The following SGCZ variants were observed in gnomAD, a reference collection of about 807,000 sequenced individuals.
The protein encoded by SGCZ is sarcoglycan zeta.
A neutral mutation model predicts 41.3 loss-of-function variants in SGCZ; 40 were observed. The observed-to-expected ratio is 0.97, with a 90% confidence interval of 0.75 to 1.26. The LOEUF is 1.26. Ranked by LOEUF, SGCZ falls within the 50% of genes most tolerant of loss-of-function variation. The probability of loss-of-function intolerance (pLI) is 0.00; values close to 1 mark genes in which losing one functional copy is unlikely to be tolerated. For missense variants in SGCZ, 552 were observed against 369.8 expected (o/e 1.49, Z -4.04); for synonymous variants, 206 against 137.5 (o/e 1.50, Z -3.49).
At chr8:14,558,424 A>T (rs1804098575) in intron 1 of SGCZ, among the ~76,000 whole-genome samples, 2 of 151,962 alleles carry the variant, frequency 1.3e-5, no homozygotes, top group African/African-American at 4.8e-5. Context: ...AAAATATAAA[A>T]ATTAGCTGGG....
At position 14,686,072 on chromosome 8, in the gene SGCZ, A is replaced by G. The variant is rs560022807; in HGVS notation, c.40-131146T>C. Among the ~76,000 whole-genome samples, 9 of 152,242 alleles carry G rather than the reference A, an allele frequency of 5.9e-5. No individual in the cohort carries two copies. In the East Asian group the frequency reaches 1.7e-3, roughly 29 times the overall value. ...AACAAACTATATGTTTCGTCTCGGG[A>G]AGACTTTGCTCTCAAGACTTAACTC... On this transcript the variant is annotated intron_variant, in intron 1 of 7. Transcript: ENST00000382080.
intron 3 of SGCZ, among the ~76,000 whole-genome samples, chr8:14,246,906 T>C (rs1463272388): frequency 2.1e-5 from 1 of 48,722 alleles, no homozygotes; most frequent in African/African-American, 6.4e-5. Flanking sequence ...TGAGACTCCA[T>C]CTCAAAAAAA....
At chr8:14,099,892 T>A (rs982529873) in intron 7 of SGCZ, among the ~76,000 whole-genome samples, 2 of 152,156 alleles carry the variant, frequency 1.3e-5, no homozygotes, top group Non-Finnish European at 2.9e-5. Context: ...CTGAAATGAC[T>A]ATGAATTTTC....
chr8:14,160,277 C>T (rs931007261), intron 5 of SGCZ, among the ~76,000 whole-genome samples: 3 of 152,066 alleles, frequency 2.0e-5, no homozygotes, highest in East Asian at 3.9e-4. Context: ...GTGGCTTATT[C>T]GTGAAATTTG....
chr8:14,598,915 G>C (rs1034670321), intron 1 of SGCZ, among the ~76,000 whole-genome samples: 1 of 152,058 alleles, frequency 6.6e-6, no homozygotes, highest in African/African-American at 2.4e-5. Context: ...CCATGATTTA[G>C]ATTTTAGTAT....
chr8:14,104,117 T>C (rs1037646216), intron 6 of SGCZ, among the ~76,000 whole-genome samples: 1 of 152,150 alleles, frequency 6.6e-6, no homozygotes, highest in South Asian at 2.1e-4. Context: ...TTATAAAATA[T>C]CGTCTAAAAA....
chr8:14,122,199 C>T (rs899297142), intron 5 of SGCZ, among the ~76,000 whole-genome samples: 1 of 152,182 alleles, frequency 6.6e-6, no homozygotes, highest in African/African-American at 2.4e-5. Context: ...ATGGCGTGAA[C>T]CCGGGAGGTG....
intron 1 of SGCZ, among the ~76,000 whole-genome samples, chr8:15,001,968 G>T (rs1298837776): frequency 6.6e-6 from 1 of 152,034 alleles, no homozygotes; most frequent in Non-Finnish European, 1.5e-5. Flanking sequence ...AATAAAGAGC[G>T]AAGAAGATTT....
intron 1 of SGCZ, among the ~76,000 whole-genome samples, chr8:15,135,528 T>C (rs1049543405): frequency 1.3e-5 from 2 of 152,234 alleles, no homozygotes; most frequent in African/African-American, 4.8e-5. Context: ...GTTTTCTACA[T>C]ATTTACCAAC....
At chr8:14,192,622 T>C (rs956400444) in intron 4 of SGCZ, among the ~76,000 whole-genome samples, 4 of 151,752 alleles carry the variant, frequency 2.6e-5, no homozygotes, top group African/African-American at 9.7e-5. Context: ...TACATTACTT[T>C]TCTTCTCAGC....
At chr8:14,806,850 G>T (rs900272238) in intron 1 of SGCZ, among the ~76,000 whole-genome samples, 7 of 151,464 alleles carry the variant, frequency 4.6e-5, no homozygotes, top group African/African-American at 1.5e-4. Flanking sequence ...CTGGCAAAAC[G>T]AATCCAGCAG....
Position 14,087,432 on chromosome 8 carries a change from A to C in SGCZ, c.*3011T>G, listed in dbSNP as rs1263521172. On this transcript the variant is annotated 3_prime_UTR_variant, in exon 8 of 8. Coordinates refer to ENST00000382080, the MANE Select transcript of SGCZ (RefSeq NM_139167.4). ...ACATCTCGGTTTATCCATTCCTGGCAAATAACTTAAATGCTAGCAAAACTA... is the reference window on the plus strand; with the variant it reads ...ACATCTCGGTTTATCCATTCCTGGCCAATAACTTAAATGCTAGCAAAACTA... Among the ~76,000 whole-genome samples the C allele has an allele frequency of 6.6e-6, 1 of 151,636 alleles. No individual in the cohort carries two copies. The highest frequency in any genetic ancestry group is 1.5e-5 in the Non-Finnish European group (1 of 67,714).
chr8:15,000,264 T>C (rs1389435651), intron 1 of SGCZ, among the ~76,000 whole-genome samples: 1 of 152,180 alleles, frequency 6.6e-6, no homozygotes, highest in Non-Finnish European at 1.5e-5. Context: ...AAAATATTTC[T>C]GTTGTTTAAG....
intron 1 of SGCZ, among the ~76,000 whole-genome samples, chr8:15,132,718 C>G (rs1266008707): frequency 6.6e-6 from 1 of 152,122 alleles, no homozygotes; most frequent in East Asian, 1.9e-4. Context: ...TTTTTGGTAG[C>G]TTGAGATTAG....
intron 4 of SGCZ, among the ~76,000 whole-genome samples, chr8:14,211,747 G>T (rs1436054189): frequency 6.6e-6 from 1 of 152,040 alleles, no homozygotes; most frequent in Non-Finnish European, 1.5e-5. Flanking sequence ...GAACAGCCGG[G>T]GGAAATCTGC....
At chr8:15,031,820 T>C (rs376470087) in intron 1 of SGCZ, among the ~76,000 whole-genome samples, 3 of 152,060 alleles carry the variant, frequency 2.0e-5, no homozygotes, top group African/African-American at 4.8e-5. Flanking sequence ...AGCTTCTCTT[T>C]AGCATCTCTA....
intron 1 of SGCZ, among the ~76,000 whole-genome samples, chr8:14,700,253 C>T (rs147171047): frequency 8.5e-5 from 13 of 152,112 alleles, no homozygotes; most frequent in African/African-American, 3.1e-4. Flanking sequence ...GGTGTATATA[C>T]ATCATAGGAT....
intron 2 of SGCZ, among the ~76,000 whole-genome samples, chr8:14,384,740 G>T (rs541317502): frequency 6.6e-6 from 1 of 152,044 alleles, no homozygotes; most frequent in Admixed American, 6.6e-5. Flanking sequence ...TTGTAGAGAC[G>T]AGGTTTTGCC....
chr8:14,141,289 A>T (rs1803362207), intron 5 of SGCZ, among the ~76,000 whole-genome samples: 1 of 152,332 alleles, frequency 6.6e-6, no homozygotes, highest in South Asian at 2.1e-4. Flanking sequence ...ACCAAAAGCA[A>T]TCACAACAAG....
Sources: allele counts gnomAD v4.1 joint callset (sites outside exome capture counted in the v4.1 genomes callset), GRCh38; gene constraint gnomAD v4.1.1; transcripts MANE v1.5; gene names NCBI Gene and HGNC (gene_info 2026-07-23, HGNC 2026-07-21).